Variants in RNF213 observed in about 807,000 individuals in gnomAD.
RNF213 encodes ring finger protein 213, also known as E3 ubiquitin-protein ligase RNF213.
In RNF213, 341 loss-of-function variants were observed where a neutral mutation model predicts 514.4. The ratio of observed to expected loss-of-function variants is 0.66; its 90% confidence interval spans 0.61 to 0.73. The LOEUF (loss-of-function observed/expected upper bound fraction) is 0.73, where lower values mean the gene tolerates loss of function less well. Ranked by LOEUF, RNF213 falls within the 30% of genes least tolerant of loss-of-function variation. The probability of loss-of-function intolerance (pLI) is 0.00; values close to 1 mark genes in which losing one functional copy is unlikely to be tolerated. For missense variants in RNF213, 5,767 were observed against 6,615.6 expected, an observed-to-expected ratio of 0.87 and a Z score of 4.45; for synonymous variants, 2,655 against 2,658.2, an observed-to-expected ratio of 1.00 and a Z score of 0.04.
Position 80,367,683 on chromosome 17 carries a change from T to C in RNF213, c.11872-65T>C, listed in dbSNP as rs563890623. On this transcript the variant is annotated intron_variant, in intron 42 of 67. Coordinates refer to ENST00000582970, the MANE Select transcript of RNF213 (RefSeq NM_001256071.3). The stretch of plus-strand genomic sequence containing the variant: ...GGCCCTGAATGTGGTGCTCCCTCTG[T>C]CGCCCGGCCTGGCCGCCCTCAGCCC... The C allele has an allele frequency of 6.7e-5, 87 of 1,303,024 alleles. 2 individuals are homozygous for C. In the South Asian group the frequency reaches 9.5e-4, roughly 14 times the overall value. The allele number at this position is 1,303,024 out of a possible 1,614,324, so 80.7% of individuals were successfully genotyped here.
In RNF213 at chr17:80,264,359, C is replaced by G. The variant is rs1320743376; in HGVS notation, c.97+581C>G. Among the ~76,000 whole-genome samples the G allele has an allele frequency of 6.6e-6, 1 of 152,046 alleles. No individual in the cohort carries two copies. The highest frequency in any genetic ancestry group is 2.1e-4 in the South Asian group (1 of 4,828). On this transcript the variant is annotated intron_variant, in intron 2 of 67. Coordinates refer to ENST00000582970, the MANE Select transcript of RNF213 (RefSeq NM_001256071.3). This position sits in a 1 kb window ranked among gnomAD's most constrained non-coding sequence, Gnocchi z 5.0. ...GACCTGTCCAGGCACCTCCCTGGCT[C>G]GGGAGGCCAGTGGAGAGACAGGAGC...
intron 11 of RNF213, 126 bp downstream of exon 11, chr17:80,298,644 C>T (rs2045053324): frequency 5.0e-6 from 5 of 1,002,550 alleles, no homozygotes; most frequent in East Asian, 2.6e-5. Context: ...CTAACACACG[C>T]TCTTTTAACA....
At chr17:80,328,023 T>C (rs1474093833) in intron 19 of RNF213, 34 bp downstream of exon 19, 3 of 1,534,608 alleles carry the variant, frequency 2.0e-6, no homozygotes, top group East Asian at 4.9e-5. Context: ...TTCAGGCTCC[T>C]GAGGCATTAA....
intron 13 of RNF213, among the ~76,000 whole-genome samples, chr17:80,307,579 C>T (rs976965127): frequency 6.6e-6 from 1 of 151,018 alleles, no homozygotes; most frequent in African/African-American, 2.4e-5. Context: ...GATGGAGTCT[C>T]ACTCTTGTTG....
Position 80,364,494 on chromosome 17 carries a change from G to C in RNF213, c.11812G>C (p.Glu3938Gln). 6.2e-7 allele frequency: 1 copy of C among 1,614,142 alleles called. No homozygotes were observed. Among genetic ancestry groups the C allele is most frequent in the East Asian group, 2.2e-5 (1 of 44,876 alleles). Residue 3938 changes from glutamate to glutamine, a missense_variant, in exon 42 of 68, where the codon GAG (glutamate) becomes CAG (glutamine). Around this residue, in one of 13 missense-constraint regions of RNF213, gnomAD observed 355 missense variants for 358.0 expected, o/e 0.99. Transcript: ENST00000582970. ...CGTGGAGCACGTGCTCCTAGGAACC[G>C]AGAGCCGCGTCCCCGAGTTACAGGG... ...LFVEHVLLGT[E>Q]SRVPELQGLV...
At chr17:80,295,535 C>T (rs2044903725) in intron 9 of RNF213, 22 bp from the exon 10 acceptor site, 1 of 1,613,848 alleles carries the variant, frequency 6.2e-7, no homozygotes, top group South Asian at 1.1e-5. Context: ...GTTCATGCAT[C>T]TTCCTCTTCT....
In RNF213 at chr17:80,343,184, C is replaced by T. The variant is rs140244096; in HGVS notation, c.6042C>T (p.Asn2014=). The T allele has an allele frequency of 1.4e-3, 2,280 of 1,613,996 alleles. 11 individuals are homozygous for T. The highest frequency in any genetic ancestry group is 0.014 in the East Asian group (624 of 44,884). The change falls in exon 27 of 68, where the codon AAC becomes AAT. Residue 2014 remains asparagine (N), a synonymous_variant. Transcript: ENST00000582970. This position sits in a 1 kb window ranked among gnomAD's most constrained non-coding sequence, Gnocchi z 4.3. ...ACGACAAAATGAAGATGCAGTTAAACGTGAAAAATGTGCCTCTGAAAACAA... is the reference window on the plus strand; with the variant it reads ...ACGACAAAATGAAGATGCAGTTAAATGTGAAAAATGTGCCTCTGAAAACAA... ...RLHDKMKMQL[N]VKNVPLKTIR...
intron 26 of RNF213, chr17:80,342,129 C>T (rs1320308082): frequency 6.6e-6 from 1 of 152,308 alleles, no homozygotes; most frequent in East Asian, 1.9e-4. Context: ...ATATTTGCCC[C>T]GTGTCACAGC....
chr17:80,362,467 T>C (rs2079091775), intron 39 of RNF213, among the ~76,000 whole-genome samples: 1 of 152,250 alleles, frequency 6.6e-6, no homozygotes, highest in East Asian at 1.9e-4. Context: ...AAAAATTGCT[T>C]AGCCTTACTA....
intron 2 of RNF213, among the ~76,000 whole-genome samples, chr17:80,268,057 G>C (rs2043668577): frequency 6.6e-6 from 1 of 152,036 alleles, no homozygotes; most frequent in Non-Finnish European, 1.5e-5. Flanking sequence ...TTGACCTCAA[G>C]TGATCCCCCT....
intron 50 of RNF213, chr17:80,374,880 C>T: frequency 2.4e-6 from 1 of 420,314 alleles, no homozygotes; most frequent in Non-Finnish European, 4.5e-6. Flanking sequence ...CCCATTACTT[C>T]CTTTGAGACC....
chr17:80,288,447 C>T lies in RNF213; in HGVS notation c.810+84C>T. ...TGCTGCAAGGTGCTGGCGTTGCTTC[C>T]CTGCCGGGGGGAGGGGCGTCCTCTG... On this transcript the variant is annotated intron_variant, in intron 4 of 67. Transcript: ENST00000582970. This position sits in a 1 kb window ranked among gnomAD's most constrained non-coding sequence, Gnocchi z 4.9. 1 of 1,600,294 alleles carries T rather than the reference C, an allele frequency of 6.2e-7. No individual in the cohort carries two copies. The highest frequency in any genetic ancestry group is 8.5e-7 in the Non-Finnish European group (1 of 1,173,706).
At chr17:80,316,741 G>A in intron 15 of RNF213, 1 of 275,662 alleles carries the variant, frequency 3.6e-6, no homozygotes. Context: ...AACGGTTTGG[G>A]AGAGAAAATG....
chr17:80,278,618 A>G, intron 3 of RNF213: 2 of 957,164 alleles, frequency 2.1e-6, no homozygotes, highest in East Asian at 2.7e-5. Flanking sequence ...CGGTGCTGGG[A>G]AGCTGGTCAG....
chr17:80,356,282 G>A (rs556266767), intron 36 of RNF213, among the ~76,000 whole-genome samples: 27 of 152,200 alleles, frequency 1.8e-4, no homozygotes, highest in Non-Finnish European at 2.9e-4. Flanking sequence ...GATTCCAGGC[G>A]TGAGCCAGTG....
chr17:80,352,680 C>T (rs184565768), intron 32 of RNF213: 529 of 627,922 alleles, frequency 8.4e-4, no homozygotes, highest in African/African-American at 8.3e-3. Flanking sequence ...CTTATCCATG[C>T]GTCCTTCCCA....
chr17:80,392,125 G>T (rs1280237079), intron 67 of RNF213, among the ~76,000 whole-genome samples: 1 of 152,006 alleles, frequency 6.6e-6, no homozygotes, highest in Non-Finnish European at 1.5e-5. Flanking sequence ...TTATGTTTAG[G>T]TGTAAAGTAA....
In RNF213 at chr17:80,289,555, A is replaced by ACT. The variant is rs997828809; in HGVS notation, c.934-102_934-101dup. 90 of 1,260,214 alleles carry ACT rather than the reference A, an allele frequency of 7.1e-5. 1 individual carries two copies. Among genetic ancestry groups the ACT allele is most frequent in the Non-Finnish European group, 8.9e-5 (79 of 885,774 alleles). 78.1% of individuals were successfully genotyped at this position (1,260,214 alleles called of 1,614,324 possible). A position where few individuals can be genotyped will look rare whatever the true frequency, so the allele number is the denominator to read the frequency against. ...CAGTGAGCTGAGATCGCAGTACTGC[A>ACT]CTCCAGCCTTGGTAATAAGAGCGAG... On this transcript the variant is annotated intron_variant, in intron 5 of 67. Coordinates refer to ENST00000582970, the MANE Select transcript of RNF213 (RefSeq NM_001256071.3).
intron 13 of RNF213, among the ~76,000 whole-genome samples, chr17:80,308,783 T>G (rs1257810691): frequency 6.6e-6 from 1 of 152,228 alleles, no homozygotes; most frequent in Non-Finnish European, 1.5e-5. Context: ...GTGTTTGGAC[T>G]TGCTTTGGTT....
Sources: allele counts gnomAD v4.1 joint callset (sites outside exome capture counted in the v4.1 genomes callset), GRCh38; gene constraint gnomAD v4.1.1; regional missense constraint gnomAD v4.1.1; non-coding constraint Gnocchi (gnomAD v3.1); transcripts MANE v1.5; gene names NCBI Gene and HGNC (gene_info 2026-07-23, HGNC 2026-07-21).